The following PPP3CA variants were observed in gnomAD, a reference collection of about 807,000 sequenced individuals.
PPP3CA encodes protein phosphatase 3 catalytic subunit alpha.
PPP3CA carries 14 observed loss-of-function variants against 66.5 expected under a neutral mutation model. The observed-to-expected ratio is 0.21, with a 90% CI of 0.14 to 0.33. PPP3CA has a LOEUF of 0.33. PPP3CA is among the 10% of genes least tolerant of loss of function. PPP3CA has a pLI of 1.00. For missense variants in PPP3CA, 317 were observed against 639.5 expected (o/e 0.50, Z 5.44); for synonymous variants, 232 against 226.2 (o/e 1.03, Z -0.23).
intron 1 of PPP3CA, among the ~76,000 whole-genome samples, chr4:101,271,723 G>A (rs927921742): frequency 3.9e-5 from 6 of 152,096 alleles, no homozygotes; most frequent in Non-Finnish European, 7.4e-5. Flanking sequence ...CAGCACCACT[G>A]GAAGTGGACA....
At chr4:101,095,929 C>T (rs1215851630) in intron 5 of PPP3CA, among the ~76,000 whole-genome samples, 1 of 152,112 alleles carries the variant, frequency 6.6e-6, no homozygotes, top group Non-Finnish European at 1.5e-5. Context: ...GGATTACAGG[C>T]GTGAGGCACC....
chr4:101,263,796 C>T (rs186390796), intron 1 of PPP3CA, among the ~76,000 whole-genome samples: 1 of 152,148 alleles, frequency 6.6e-6, no homozygotes, highest in African/African-American at 2.4e-5. Flanking sequence ...TATCATCTAA[C>T]CCATATTAGC....
intron 2 of PPP3CA, among the ~76,000 whole-genome samples, chr4:101,128,053 T>A (rs1403969554): frequency 2.6e-5 from 4 of 152,148 alleles, no homozygotes; most frequent in Admixed American, 2.6e-4. Context: ...CATAAGCCCC[T>A]GAGTCTTTAT....
chr4:101,055,246 T>C (rs1728178513), intron 10 of PPP3CA, among the ~76,000 whole-genome samples: 1 of 152,136 alleles, frequency 6.6e-6, no homozygotes, highest in Admixed American at 6.6e-5. Context: ...TGAAGGTTGA[T>C]TTCTGTTAGC....
chr4:101,347,000 C>G lies in PPP3CA; in HGVS notation c.-204G>C. ...CTCCTCCGCCGCCGCCGCCTTCACT[C>G]CTCCTCCGCCGCTGCCGCCAGCCCC... On this transcript the variant is annotated 5_prime_UTR_variant, in exon 1 of 14. Transcript: ENST00000394854. 1 of 612,604 alleles carries G rather than the reference C, an allele frequency of 1.6e-6. No individual in the cohort carries two copies. Among genetic ancestry groups the G allele is most frequent in the South Asian group, 1.9e-5 (1 of 51,746 alleles). 37.9% of individuals were successfully genotyped at this position (612,604 alleles called of 1,614,324 possible).
intron 1 of PPP3CA, among the ~76,000 whole-genome samples, chr4:101,337,957 C>A (rs1729689665): frequency 6.6e-6 from 1 of 152,182 alleles, no homozygotes; most frequent in Non-Finnish European, 1.5e-5. Context: ...GGTATATACA[C>A]AGTAAGTTAT....
chr4:101,309,021 C>T (rs1205204088), intron 1 of PPP3CA, among the ~76,000 whole-genome samples: 2 of 151,938 alleles, frequency 1.3e-5, no homozygotes, highest in Non-Finnish European at 2.9e-5. Context: ...TAGCTACTTG[C>T]GAGGCTGAGG....
At chr4:101,346,709 G>A (rs1044061729) in intron 1 of PPP3CA, 30 bp downstream of exon 1, 2 of 1,595,144 alleles carry the variant, frequency 1.3e-6, no homozygotes, top group East Asian at 2.3e-5. Context: ...GGCACACGGT[G>A]CACCCAGGCC....
intron 2 of PPP3CA, among the ~76,000 whole-genome samples, chr4:101,137,708 A>G (rs1722667305): frequency 6.6e-6 from 1 of 151,514 alleles, no homozygotes; most frequent in Non-Finnish European, 1.5e-5. Context: ...TATTCTTTTC[A>G]CAGGATCATC....
intron 6 of PPP3CA, among the ~76,000 whole-genome samples, chr4:101,085,969 A>G (rs1005517184): frequency 3.3e-5 from 5 of 152,136 alleles, no homozygotes; most frequent in Admixed American, 2.0e-4. Flanking sequence ...GTAATTTAGC[A>G]GAGGCCCAGT....
intron 10 of PPP3CA, 100 bp downstream of exon 10, chr4:101,060,987 A>C: frequency 9.9e-7 from 1 of 1,011,142 alleles, no homozygotes; most frequent in Non-Finnish European, 1.5e-6. Flanking sequence ...TTACGTTTTA[A>C]ACATAATCCA....
Position 101,024,771 on chromosome 4 carries a change from T to G in PPP3CA, c.*1094A>C, listed in dbSNP as rs1455283477. 6.6e-6 allele frequency: 1 copy of G among 150,934 alleles called. No individual in the cohort carries two copies. Among genetic ancestry groups the G allele is most frequent in the Non-Finnish European group, 1.5e-5 (1 of 68,006 alleles). The allele number at this position is 150,934 out of a possible 1,614,324, so 9.3% of individuals were successfully genotyped here. A position where few individuals can be genotyped will look rare whatever the true frequency, so the allele number is the denominator to read the frequency against. ...TTTAAAGAATACTCTCCCCTTTAGA[T>G]TTTTTCAAAGCTTTTTTTTGATTAC... On this transcript the variant is annotated 3_prime_UTR_variant, in exon 14 of 14. Coordinates refer to ENST00000394854, the MANE Select transcript of PPP3CA (RefSeq NM_000944.5).
In PPP3CA at chr4:101,207,482, C is replaced by A. The variant is rs533911573; in HGVS notation, c.59-11366G>T. ...GCTACCAGTCAAAGTGAATCCAAATCTTACCAGTAGACACAAATGAAAAAT... is the reference window on the plus strand; with the variant it reads ...GCTACCAGTCAAAGTGAATCCAAATATTACCAGTAGACACAAATGAAAAAT... On this transcript the variant is annotated intron_variant, in intron 1 of 13. Coordinates refer to ENST00000394854, the MANE Select transcript of PPP3CA (RefSeq NM_000944.5). 2.0e-5 allele frequency among the ~76,000 whole-genome samples: 3 copies of A among 152,308 alleles called. No homozygotes were observed. In the South Asian group the frequency reaches 6.2e-4, roughly 32 times the overall value.
intron 3 of PPP3CA, among the ~76,000 whole-genome samples, chr4:101,105,475 T>TA (rs200799334): frequency 1.2e-3 from 170 of 141,732 alleles, no homozygotes; most frequent in Middle Eastern, 3.6e-3. Flanking sequence ...CATCTTTACT[T>TA]AAAAAAAAAA....
intron 3 of PPP3CA, among the ~76,000 whole-genome samples, chr4:101,105,446 G>A (rs772820107): frequency 3.3e-5 from 5 of 150,452 alleles, no homozygotes; most frequent in African/African-American, 7.3e-5. Context: ...ATTACAGGTT[G>A]AGCCACCACA....
At position 101,039,276 on chromosome 4, in the gene PPP3CA, G is replaced by GT. The variant is rs1204896158; in HGVS notation, c.1241+1205dup. ...TTGCCCAAATACCATTACTCAGAAA[G>GT]TTTTTTGTTGACCACACACTAAAAG... On this transcript the variant is annotated intron_variant, in intron 11 of 13. Transcript: ENST00000394854. Among the ~76,000 whole-genome samples, 6 of 144,632 alleles carry GT rather than the reference G, an allele frequency of 4.1e-5. 2 individuals carry two copies. The highest frequency in any genetic ancestry group is 9.3e-5 in the Non-Finnish European group (6 of 64,534). 94.9% of individuals were successfully genotyped at this position (144,632 alleles called of 152,430 possible).
At chr4:101,073,330 G>A (rs1729005166) in intron 8 of PPP3CA, among the ~76,000 whole-genome samples, 2 of 149,760 alleles carry the variant, frequency 1.3e-5, no homozygotes, top group African/African-American at 2.5e-5. Flanking sequence ...AGGCTGGAGT[G>A]CAATGGCGTG....
At chr4:101,118,330 T>A (rs1232779866) in intron 2 of PPP3CA, among the ~76,000 whole-genome samples, 3 of 152,026 alleles carry the variant, frequency 2.0e-5, no homozygotes, top group Non-Finnish European at 4.4e-5. Context: ...AATCAGCTAA[T>A]CTCTCTTTAT....
intron 1 of PPP3CA, among the ~76,000 whole-genome samples, chr4:101,289,238 C>CAT (rs2110286939): frequency 6.6e-6 from 1 of 152,274 alleles, no homozygotes; most frequent in South Asian, 2.1e-4. Flanking sequence ...TATCAGAATA[C>CAT]ATATATACAT....
Sources: gnomAD v4.1 joint callset for allele counts (sites outside exome capture counted in the v4.1 genomes callset) on GRCh38, gnomAD v4.1.1 for gene constraint, MANE v1.5 for transcripts, NCBI Gene and HGNC (gene_info 2026-07-23, HGNC 2026-07-21) for gene names.